The following SLIT3 variants were observed in gnomAD, a reference collection of about 807,000 sequenced individuals.
The protein encoded by SLIT3 is slit homolog 3 protein.
A neutral mutation model predicts 184.0 loss-of-function variants in SLIT3; 68 were observed. The observed-to-expected ratio is 0.37, with a 90% CI of 0.30 to 0.45. SLIT3 has a LOEUF of 0.45. Among genes scored for constraint, SLIT3 ranks in the 20% least tolerant of loss-of-function variants. SLIT3 has a pLI of 1.00. For missense variants in SLIT3, 1,707 were observed against 2,026.0 expected, an observed-to-expected ratio of 0.84 and a Z score of 3.02; for synonymous variants, 831 against 828.6, an observed-to-expected ratio of 1.00 and a Z score of -0.05.
At chr5:168,820,122 A>C (rs958309455) in intron 7 of SLIT3, among the ~76,000 whole-genome samples, 1 of 152,232 alleles carries the variant, frequency 6.6e-6, no homozygotes, top group Non-Finnish European at 1.5e-5. Flanking sequence ...GAGCTTAGGC[A>C]CTGTCAGGGG....
chr5:168,776,821 C>A (rs138645002), intron 12 of SLIT3, among the ~76,000 whole-genome samples: 1 of 152,134 alleles, frequency 6.6e-6, no homozygotes, highest in African/African-American at 2.4e-5. Flanking sequence ...ACCCTTCACA[C>A]ACACAGTGTT....
intron 20 of SLIT3, among the ~76,000 whole-genome samples, chr5:168,728,046 C>T (rs1042911607): frequency 1.6e-4 from 25 of 151,996 alleles, no homozygotes; most frequent in African/African-American, 4.8e-4. Flanking sequence ...AGTGGCTTCC[C>T]ACCTTCTATG....
At chr5:168,716,579 G>A (rs1375762397) in intron 23 of SLIT3, among the ~76,000 whole-genome samples, 3 of 152,294 alleles carry the variant, frequency 2.0e-5, no homozygotes, top group Admixed American at 6.5e-5. Flanking sequence ...GTAGAAGCCT[G>A]AAAGTGTGCA....
At chr5:169,211,071 AAGG>A (rs1764250462) in intron 3 of SLIT3, among the ~76,000 whole-genome samples, 1 of 152,278 alleles carries the variant, frequency 6.6e-6, no homozygotes, top group African/African-American at 2.4e-5. Flanking sequence ...ACCCAAATAG[AAGG>A]AGAAGTCACA....
intron 20 of SLIT3, among the ~76,000 whole-genome samples, chr5:168,731,804 A>T (rs1042179130): frequency 2.0e-5 from 3 of 152,062 alleles, no homozygotes; most frequent in African/African-American, 7.2e-5. Context: ...CATACCTCAA[A>T]TAATAAAGGC....
Position 168,718,606 on chromosome 5 carries a change from A to T in SLIT3, c.2483+3650T>A, listed in dbSNP as rs184769016. Reference sequence around the variant, plus strand: ...CAAGTAGAAAAAGCATTTTCCACACAATGTTTTGTACTCAGGGCTAAAAGA... The same window carrying T: ...CAAGTAGAAAAAGCATTTTCCACACTATGTTTTGTACTCAGGGCTAAAAGA... On this transcript the variant is annotated intron_variant, in intron 23 of 35. Coordinates refer to ENST00000519560, the MANE Select transcript of SLIT3 (RefSeq NM_003062.4). 2.9e-4 allele frequency among the ~76,000 whole-genome samples: 44 copies of T among 151,376 alleles called. No individual in the cohort carries two copies. The East Asian group carries it at 8.4e-3, about 29-fold the overall frequency.
intron 1 of SLIT3, among the ~76,000 whole-genome samples, chr5:169,282,522 T>C (rs1024687877): frequency 3.9e-5 from 6 of 152,228 alleles, no homozygotes; most frequent in Non-Finnish European, 7.3e-5. Context: ...TCACAAAGGA[T>C]TGTTGAACTC....
At chr5:169,017,528 C>T (rs1756432507) in intron 4 of SLIT3, among the ~76,000 whole-genome samples, 1 of 152,220 alleles carries the variant, frequency 6.6e-6, no homozygotes, top group Non-Finnish European at 1.5e-5. Context: ...GAGGAACATT[C>T]ATAACACTTA....
intron 30 of SLIT3, 118 bp downstream of exon 30, chr5:168,686,861 G>T: frequency 8.1e-7 from 1 of 1,230,854 alleles, no homozygotes; most frequent in Non-Finnish European, 1.2e-6. Flanking sequence ...GCATCACCCA[G>T]AACCGGGGCT....
intron 23 of SLIT3, among the ~76,000 whole-genome samples, chr5:168,721,297 A>C (rs1762933402): frequency 6.6e-6 from 1 of 152,184 alleles, no homozygotes; most frequent in Admixed American, 6.5e-5. Context: ...AATCAGGCCC[A>C]GGATTGGGGG....
intron 9 of SLIT3, among the ~76,000 whole-genome samples, chr5:168,804,159 A>T (rs13163381): frequency 0.24 from 37,009 of 151,362 alleles, 4,727 homozygotes; most frequent in South Asian, 0.32. Context: ...GTACAAAAAA[A>T]TTTGCTGGGT....
chr5:169,145,818 C>T (rs140424105), intron 4 of SLIT3, among the ~76,000 whole-genome samples: 16 of 152,298 alleles, frequency 1.1e-4, no homozygotes, highest in African/African-American at 3.1e-4. Flanking sequence ...GAGGCCAAGG[C>T]GGACAGATTG....
At chr5:169,191,109 T>C (rs1763537056) in intron 4 of SLIT3, among the ~76,000 whole-genome samples, 1 of 152,220 alleles carries the variant, frequency 6.6e-6, no homozygotes, top group African/African-American at 2.4e-5. Flanking sequence ...ACAGAGGCCA[T>C]GCTGGAACAG....
intron 3 of SLIT3, among the ~76,000 whole-genome samples, chr5:169,241,984 A>AG (rs1298133706): frequency 6.6e-6 from 1 of 152,204 alleles, no homozygotes; most frequent in Non-Finnish European, 1.5e-5. Context: ...TATTATTTCC[A>AG]GGCTCTATCT....
chr5:169,144,177 G>A (rs1298906405), intron 4 of SLIT3, among the ~76,000 whole-genome samples: 1 of 152,134 alleles, frequency 6.6e-6, no homozygotes, highest in African/African-American at 2.4e-5. Context: ...GCCCAGCTCT[G>A]TGCCCTTTAT....
chr5:169,291,682 T>G (rs1767366891), intron 1 of SLIT3, among the ~76,000 whole-genome samples: 1 of 152,230 alleles, frequency 6.6e-6, no homozygotes, highest in Non-Finnish European at 1.5e-5. Flanking sequence ...GCTCTTTGAT[T>G]TAAGTTGAAC....
At chr5:168,739,746 C>T (rs887542768) in intron 20 of SLIT3, among the ~76,000 whole-genome samples, 1 of 152,114 alleles carries the variant, frequency 6.6e-6, no homozygotes, top group Non-Finnish European at 1.5e-5. Flanking sequence ...GCACCCGGCT[C>T]CTCCCTTTTC....
intron 1 of SLIT3, among the ~76,000 whole-genome samples, chr5:169,256,864 A>G (rs1224971455): frequency 6.6e-6 from 1 of 152,150 alleles, no homozygotes; most frequent in Non-Finnish European, 1.5e-5. Context: ...AAAAGACTGC[A>G]TAATTAGAGA....
rs112524511 is a variant in SLIT3 at position 169,071,631 on chromosome 5, A to G, written c.413+121848T>C. The stretch of plus-strand genomic sequence containing the variant: ...TCCCAGCAATGCCAGCCTCCACTTC[A>G]GGGGAGTTTTTGTGGCAGTCCTTTG... On this transcript the variant is annotated intron_variant, in intron 4 of 35. Transcript: ENST00000519560. Among the ~76,000 whole-genome samples, 571 of 152,270 alleles carry G rather than the reference A, an allele frequency of 3.7e-3. 6 individuals carry two copies. Among genetic ancestry groups the G allele is most frequent in the African/African-American group, 0.013 (526 of 41,572 alleles).
Sources: allele counts gnomAD v4.1 joint callset (sites outside exome capture counted in the v4.1 genomes callset), GRCh38; gene constraint gnomAD v4.1.1; transcripts MANE v1.5; gene names NCBI Gene and HGNC (gene_info 2026-07-23, HGNC 2026-07-21).